Variants in CSMD1 observed in about 807,000 individuals in gnomAD.
CSMD1 encodes the protein CUB and Sushi multiple domains 1.
In CSMD1, 213 loss-of-function variants were observed where a neutral mutation model predicts 417.5. The ratio of observed to expected loss-of-function variants is 0.51; its 90% CI spans 0.46 to 0.57. The LOEUF is 0.57. Ranked by LOEUF, CSMD1 falls within the 20% of genes least tolerant of loss-of-function variation. CSMD1 has a pLI of 0.00. For synonymous variants in CSMD1, 2,862 were observed against 1,736.8 expected (o/e 1.65, Z -16.11); for missense variants, 6,923 against 4,529.7 (o/e 1.53, Z -15.17).
At chr8:4,176,513 C>T (rs1272616491) in intron 3 of CSMD1, among the ~76,000 whole-genome samples, 2 of 152,104 alleles carry the variant, frequency 1.3e-5, no homozygotes, top group South Asian at 2.1e-4. Context: ...TATACCTTCA[C>T]TGTGACATAT....
chr8:3,162,416 C>T lies in CSMD1; in HGVS notation c.5726-139G>A, dbSNP rs949692724. 4.7e-6 allele frequency: 3 copies of T among 632,032 alleles called. No homozygotes were observed. The South Asian group carries it at 5.8e-5, about 12-fold the overall frequency. 39.2% of individuals were successfully genotyped at this position (632,032 alleles called of 1,614,324 possible). On this transcript the variant is annotated intron_variant, in intron 37 of 69. Transcript: ENST00000635120. Reference sequence around the variant, plus strand: ...TCAACTCTTTCTCTTGTTATTCTACCAAGAAGACTTTGAGTACCTTTAAAT... The same window carrying T: ...TCAACTCTTTCTCTTGTTATTCTACTAAGAAGACTTTGAGTACCTTTAAAT...
chr8:3,232,653 C>A (rs1290211192), intron 26 of CSMD1, among the ~76,000 whole-genome samples: 13 of 152,114 alleles, frequency 8.5e-5, no homozygotes, highest in Non-Finnish European at 1.5e-5. Context: ...CCTTTAAATT[C>A]AATCCCAGAA....
intron 3 of CSMD1, among the ~76,000 whole-genome samples, chr8:4,225,624 G>A (rs991237056): frequency 2.7e-5 from 4 of 150,158 alleles, no homozygotes; most frequent in Non-Finnish European, 5.9e-5. Flanking sequence ...CCATTTTCCT[G>A]TCTGATCTGC....
At chr8:3,094,434 A>T (rs1424549184) in intron 47 of CSMD1, among the ~76,000 whole-genome samples, 2 of 152,166 alleles carry the variant, frequency 1.3e-5, no homozygotes, top group Non-Finnish European at 2.9e-5. Flanking sequence ...CCAGCATCTG[A>T]ACCCTCATAA....
chr8:4,206,575 C>T (rs1009704865), intron 3 of CSMD1, among the ~76,000 whole-genome samples: 7 of 152,150 alleles, frequency 4.6e-5, no homozygotes, highest in Non-Finnish European at 8.8e-5. Context: ...TTTCTTAATC[C>T]AGTCTATCAT....
At chr8:3,814,030 G>A (rs1250492783) in intron 5 of CSMD1, among the ~76,000 whole-genome samples, 4 of 152,156 alleles carry the variant, frequency 2.6e-5, no homozygotes, top group East Asian at 3.9e-4. Context: ...ATTAAAAACT[G>A]TCTTTAAAAT....
intron 50 of CSMD1, among the ~76,000 whole-genome samples, chr8:3,037,351 G>A (rs1041791057): frequency 1.4e-4 from 19 of 138,010 alleles, no homozygotes; most frequent in African/African-American, 4.0e-4. Flanking sequence ...GACTACAGGC[G>A]CCCGCCACCA....
rs1041563598 is a variant in CSMD1 at position 4,419,841 on chromosome 8, C to G, written c.415+112G>C. 18 of 718,710 alleles carry G rather than the reference C, an allele frequency of 2.5e-5. No individual in the cohort carries two copies. The Middle Eastern group carries it at 9.8e-4, about 39-fold the overall frequency. The allele number at this position is 718,710 out of a possible 1,614,324, so 44.5% of individuals were successfully genotyped here. ...ATTACACAGAAGCCAAATGTCTACA[C>G]CACGGAACGACCTGCGACATAGCAG... is the stretch of plus-strand genomic sequence containing the variant. On this transcript the variant is annotated intron_variant, in intron 3 of 69. Transcript: ENST00000635120.
At chr8:3,669,065 A>G (rs1373614535) in intron 7 of CSMD1, among the ~76,000 whole-genome samples, 3 of 152,286 alleles carry the variant, frequency 2.0e-5, no homozygotes, top group Admixed American at 2.0e-4. Context: ...AAACTAAGGA[A>G]CGACCCCACT....
intron 1 of CSMD1, among the ~76,000 whole-genome samples, chr8:4,769,101 G>T (rs1796476414): frequency 6.6e-6 from 1 of 152,216 alleles, no homozygotes; most frequent in African/African-American, 2.4e-5. Context: ...CAGATGGACA[G>T]ATCTGGTTCA....
intron 5 of CSMD1, among the ~76,000 whole-genome samples, chr8:3,837,773 T>A (rs985341547): frequency 2.0e-5 from 3 of 151,404 alleles, no homozygotes; most frequent in African/African-American, 7.2e-5. Context: ...GTTCCATCTT[T>A]GTTTTCTCAG....
chr8:4,783,157 C>T (rs751469370), intron 1 of CSMD1, among the ~76,000 whole-genome samples: 4 of 152,202 alleles, frequency 2.6e-5, no homozygotes, highest in Non-Finnish European at 5.9e-5. Flanking sequence ...ATCTCTCCAA[C>T]CCACCTGAAA....
intron 7 of CSMD1, among the ~76,000 whole-genome samples, chr8:3,695,826 T>G (rs1800522958): frequency 1.3e-5 from 2 of 152,200 alleles, no homozygotes; most frequent in African/African-American, 4.8e-5. Flanking sequence ...CAACTTAAAA[T>G]AGCATTATTT....
intron 23 of CSMD1, among the ~76,000 whole-genome samples, chr8:3,313,663 CTG>C (rs1805530991): frequency 6.6e-6 from 1 of 152,178 alleles, no homozygotes; most frequent in Admixed American, 6.5e-5. Context: ...CACTTTCACA[CTG>C]TTGGTGGGAC....
intron 3 of CSMD1, among the ~76,000 whole-genome samples, chr8:4,296,805 T>C (rs1014236926): frequency 1.3e-5 from 2 of 150,574 alleles, no homozygotes; most frequent in Admixed American, 6.7e-5. Context: ...ATAGAAAATG[T>C]GATTATTGTA....
chr8:3,507,043 A>C lies in CSMD1; in HGVS notation c.1345-13317T>G, dbSNP rs151304294. 1.6e-3 allele frequency among the ~76,000 whole-genome samples: 244 copies of C among 152,314 alleles called. 2 individuals are homozygous for C. The highest frequency in any genetic ancestry group is 5.5e-3 in the African/African-American group (229 of 41,562). On this transcript the variant is annotated intron_variant, in intron 10 of 69. Transcript: ENST00000635120. Reference sequence around the variant, plus strand: ...TAAGAATTGAACAAACGTATATACCAAGTGCCTAACATAGAGCTTGGTGTC... The same window carrying C: ...TAAGAATTGAACAAACGTATATACCCAGTGCCTAACATAGAGCTTGGTGTC...
intron 5 of CSMD1, among the ~76,000 whole-genome samples, chr8:3,775,836 G>A (rs931281565): frequency 4.6e-5 from 7 of 152,188 alleles, no homozygotes; most frequent in Non-Finnish European, 8.8e-5. Context: ...CCGCCAACGC[G>A]CAGGGTTGTT....
chr8:4,941,806 C>G (rs921005710), intron 1 of CSMD1, among the ~76,000 whole-genome samples: 7 of 152,054 alleles, frequency 4.6e-5, no homozygotes, highest in African/African-American at 1.7e-4. Flanking sequence ...CCCATGTTGC[C>G]CAGGATGGTC....
intron 12 of CSMD1, among the ~76,000 whole-genome samples, chr8:3,437,153 G>C (rs1814617422): frequency 6.6e-6 from 1 of 152,078 alleles, no homozygotes; most frequent in Non-Finnish European, 1.5e-5. Context: ...AAAATCAAAT[G>C]CAATTGTGTG....
Sources: allele counts gnomAD v4.1 joint callset (sites outside exome capture counted in the v4.1 genomes callset), GRCh38; gene constraint gnomAD v4.1.1; transcripts MANE v1.5; gene names NCBI Gene and HGNC (gene_info 2026-07-23, HGNC 2026-07-21).